The following DAAM1 variants were observed in gnomAD, a reference collection of about 807,000 sequenced individuals.
DAAM1 encodes the protein disheveled-associated activator of morphogenesis 1.
DAAM1 carries 52 observed loss-of-function variants against 130.0 expected under a neutral mutation model. That is an observed-to-expected ratio of 0.40 (90% CI 0.32 to 0.50). DAAM1 has a LOEUF of 0.50. DAAM1 is among the 20% of genes least tolerant of loss of function. The pLI, the probability that DAAM1 is intolerant of heterozygous loss-of-function variation, is 0.61. For missense variants in DAAM1, 1,134 were observed against 1,303.8 expected, an observed-to-expected ratio of 0.87 and a Z score of 2.01; for synonymous variants, 452 against 444.5, an observed-to-expected ratio of 1.02 and a Z score of -0.21.
intron 1 of DAAM1, among the ~76,000 whole-genome samples, chr14:59,232,437 T>TA (rs1051258430): frequency 7.2e-5 from 11 of 152,044 alleles, no homozygotes; most frequent in Admixed American, 7.2e-4. Flanking sequence ...ATAAATCCCC[T>TA]AAAAAATCAG....
At chr14:59,311,967 G>A (rs934427080) in intron 3 of DAAM1, among the ~76,000 whole-genome samples, 9 of 152,162 alleles carry the variant, frequency 5.9e-5, no homozygotes, top group Non-Finnish European at 1.3e-4. Context: ...CCAAAGTGCC[G>A]GGATTACAGG....
At chr14:59,250,292 T>G (rs1881578071) in intron 1 of DAAM1, among the ~76,000 whole-genome samples, 1 of 152,204 alleles carries the variant, frequency 6.6e-6, no homozygotes, top group Non-Finnish European at 1.5e-5. Flanking sequence ...CCCTGCAACC[T>G]TGGGAACATT....
At chr14:59,228,153 A>G (rs1029664010) in intron 1 of DAAM1, among the ~76,000 whole-genome samples, 3 of 152,148 alleles carry the variant, frequency 2.0e-5, no homozygotes, top group Non-Finnish European at 2.9e-5. Context: ...AGGCTGTAAT[A>G]ATGAAATCTT....
chr14:59,343,423 A>G (rs114161541), intron 16 of DAAM1, among the ~76,000 whole-genome samples: 416 of 152,260 alleles, frequency 2.7e-3, no homozygotes, highest in African/African-American at 9.9e-3. Flanking sequence ...GAATGTTTCT[A>G]TGTCAGCATT....
intron 16 of DAAM1, among the ~76,000 whole-genome samples, chr14:59,346,500 CT>C (rs1186119772): frequency 4.6e-5 from 7 of 152,144 alleles, no homozygotes; most frequent in African/African-American, 1.7e-4. Context: ...GGCATGGTGA[CT>C]CATGCCTGTA....
At chr14:59,321,942 T>G (rs1456151246) in intron 5 of DAAM1, among the ~76,000 whole-genome samples, 1 of 152,220 alleles carries the variant, frequency 6.6e-6, no homozygotes, top group African/African-American at 2.4e-5. Flanking sequence ...TACATGTGCA[T>G]TGTGAGTTAG....
At chr14:59,355,397 CCT>C (rs1349983528) in intron 20 of DAAM1, 64 bp downstream of exon 20, 5 of 1,576,530 alleles carry the variant, frequency 3.2e-6, no homozygotes, top group East Asian at 2.3e-5. Flanking sequence ...CAGATTTATG[CCT>C]CTCTGGTCCT....
chr14:59,343,772 A>G (rs1044336120), intron 16 of DAAM1, among the ~76,000 whole-genome samples: 4 of 152,200 alleles, frequency 2.6e-5, no homozygotes, highest in Non-Finnish European at 5.9e-5. Context: ...AGCACTCCCC[A>G]TGCCTGAGTG....
At chr14:59,220,683 A>G (rs541015381) in intron 1 of DAAM1, among the ~76,000 whole-genome samples, 3 of 152,288 alleles carry the variant, frequency 2.0e-5, no homozygotes, top group Non-Finnish European at 2.9e-5. Context: ...AGGAGAGCCA[A>G]TAGCCAATGG....
chr14:59,212,949 G>GA (rs1888470898), intron 1 of DAAM1, among the ~76,000 whole-genome samples: 1 of 151,992 alleles, frequency 6.6e-6, no homozygotes, highest in Admixed American at 6.5e-5. Context: ...AAATTCATTG[G>GA]AAAAATAGGC....
At chr14:59,322,772 G>A in intron 5 of DAAM1, 120 bp from the exon 6 acceptor site, 2 of 777,148 alleles carry the variant, frequency 2.6e-6, no homozygotes, top group Non-Finnish European at 4.2e-6. Flanking sequence ...CTTCATCAAT[G>A]TAAGCCTTTT....
At chr14:59,360,571 T>A in intron 21 of DAAM1, 1 of 341,928 alleles carries the variant, frequency 2.9e-6, no homozygotes, top group Non-Finnish European at 5.2e-6. Flanking sequence ...TCTATTCTAT[T>A]TTTAACCTGT....
intron 1 of DAAM1, among the ~76,000 whole-genome samples, chr14:59,220,587 A>G (rs721069): frequency 0.065 from 9,865 of 152,228 alleles, 395 homozygotes; most frequent in Non-Finnish European, 0.09. Context: ...TAGGAAGGCC[A>G]AGGAGTCCCG....
At chr14:59,203,158 ATTTTTTTTT>A (rs57437992) in intron 1 of DAAM1, among the ~76,000 whole-genome samples, 10 of 108,116 alleles carry the variant, frequency 9.2e-5, no homozygotes, top group African/African-American at 3.1e-4. Flanking sequence ...CTTCTGGCTA[ATTTTTTTTT>A]TTTTTTTTTT....
intron 2 of DAAM1, among the ~76,000 whole-genome samples, chr14:59,289,197 G>C (rs913385955): frequency 2.6e-5 from 4 of 152,078 alleles, no homozygotes; most frequent in Admixed American, 1.3e-4. Flanking sequence ...TTACAGGCAT[G>C]AGCCACCACA....
chr14:59,222,370 A>G (rs1032889516), intron 1 of DAAM1, among the ~76,000 whole-genome samples: 1 of 152,202 alleles, frequency 6.6e-6, no homozygotes, highest in African/African-American at 2.4e-5. Flanking sequence ...TCCAGTAAGG[A>G]TAAAACACTG....
At chr14:59,344,103 T>C (rs1415603293) in intron 16 of DAAM1, among the ~76,000 whole-genome samples, 2 of 152,180 alleles carry the variant, frequency 1.3e-5, no homozygotes, top group Non-Finnish European at 2.9e-5. Context: ...TATTGCAAAA[T>C]GAACCCACCT....
intron 2 of DAAM1, among the ~76,000 whole-genome samples, chr14:59,281,132 C>T (rs1883197120): frequency 6.6e-6 from 1 of 152,256 alleles, no homozygotes; most frequent in South Asian, 2.1e-4. Flanking sequence ...GAACGTTCAC[C>T]TCTAGGGAAT....
intron 1 of DAAM1, among the ~76,000 whole-genome samples, chr14:59,261,924 A>G (rs1358648467): frequency 6.6e-6 from 1 of 152,178 alleles, no homozygotes; most frequent in Non-Finnish European, 1.5e-5. Context: ...TCTTTCTTCT[A>G]TGTGTATACT....
Sources: allele counts gnomAD v4.1 joint callset (sites outside exome capture counted in the v4.1 genomes callset), GRCh38; gene constraint gnomAD v4.1.1; transcripts MANE v1.5; gene names NCBI Gene and HGNC (gene_info 2026-07-23, HGNC 2026-07-21).